The following VRTN variants were observed in gnomAD, a reference collection of about 807,000 sequenced individuals.
The protein encoded by VRTN is vertebrae development associated.
Under a neutral mutation model 18.2 loss-of-function variants are expected in VRTN, and 5 were observed. The observed-to-expected ratio is 0.27, with a 90% CI of 0.14 to 0.58. The LOEUF is 0.58. Ranked by LOEUF, VRTN falls within the 20% of genes least tolerant of loss-of-function variation. The pLI, the probability that VRTN is intolerant of heterozygous loss-of-function variation, is 0.91. For missense variants in VRTN, 741 were observed against 939.4 expected, an observed-to-expected ratio of 0.79 and a Z score of 2.76; for synonymous variants, 381 against 393.7, an observed-to-expected ratio of 0.97 and a Z score of 0.38.
Position 74,331,544 on chromosome 14 carries a change from TTATATATATATATATATATATA to T in VRTN, c.-163-6154_-163-6133del, listed in dbSNP as rs1169929236. On this transcript the variant is annotated intron_variant, in intron 1 of 2. Transcript: ENST00000557177. ...AACTCCATCTCAAAAAAAAAAAATT[TTATATATATATATATATATATA>T]TATATATATATATATATATATATAC... 9.0e-4 allele frequency among the ~76,000 whole-genome samples: 39 copies of T among 43,490 alleles called. 1 individual carries two copies. The highest frequency in any genetic ancestry group is 3.4e-3 in the South Asian group (3 of 870). The allele number at this position is 43,490 out of a possible 152,430, so 28.5% of individuals were successfully genotyped here. A position where few individuals can be genotyped will look rare whatever the true frequency, so the allele number is the denominator to read the frequency against.
intron 1 of VRTN, among the ~76,000 whole-genome samples, chr14:74,318,200 T>C (rs891582161): frequency 6.6e-6 from 1 of 151,928 alleles, no homozygotes; most frequent in Non-Finnish European, 1.5e-5. Flanking sequence ...ACCTCCCAGG[T>C]TCAAGGGATT....
intron 2 of VRTN, among the ~76,000 whole-genome samples, chr14:74,340,947 T>C (rs1200998801): frequency 6.6e-6 from 1 of 151,948 alleles, no homozygotes. Context: ...TTTCACCATG[T>C]TGGCCAGGAT....
rs765480679 is a variant in VRTN, at chr14:74,357,761, G to T, written c.978G>T (p.Arg326=). 3.7e-6 allele frequency: 6 copies of T among 1,613,138 alleles called. No individual in the cohort carries two copies. The Admixed American group carries it at 5.0e-5, about 13-fold the overall frequency. Residue 326 remains arginine (R), a synonymous_variant, in exon 2 of 2, where the codon CGG becomes CGT. Transcript: ENST00000256362. This position sits in a 1 kb window ranked among gnomAD's most constrained non-coding sequence, Gnocchi z 7.8. ...AKHFLQDSFH[R]GGVVPLQQFL... The stretch of plus-strand genomic sequence containing the variant: ...ACTTCCTGCAGGACAGCTTCCACCG[G>T]GGGGGCGTCGTGCCACTTCAGCAGT...
At chr14:74,303,207 T>C (rs2085155197) in intron 1 of VRTN, 4 of 364,946 alleles carry the variant, frequency 1.1e-5, no homozygotes, top group Non-Finnish European at 9.8e-6. Flanking sequence ...GTATAATAGA[T>C]GTTTTACATA....
intron 1 of VRTN, among the ~76,000 whole-genome samples, chr14:74,314,546 A>G (rs1050417416): frequency 6.6e-6 from 1 of 151,500 alleles, no homozygotes; most frequent in Admixed American, 6.6e-5. Flanking sequence ...ACAGGTGCAC[A>G]CCACCATACC....
upstream of VRTN, among the ~76,000 whole-genome samples, chr14:74,346,242 C>CG (rs1288140297): frequency 6.6e-6 from 1 of 151,936 alleles, no homozygotes; most frequent in Non-Finnish European, 1.5e-5. Context: ...TTTGAGGCTG[C>CG]AGTGAGCTAT....
intron 1 of VRTN, among the ~76,000 whole-genome samples, chr14:74,323,722 C>G (rs2085470238): frequency 3.9e-5 from 6 of 152,074 alleles, no homozygotes; most frequent in Admixed American, 3.9e-4. Flanking sequence ...GAATTCCATG[C>G]AATACTCCCT....
rs577005202 is a variant in VRTN at position 74,310,255 on chromosome 14, G to A, written c.-164+7079G>A. ...TCTACTAAAAATACAAAATTAGCCA[G>A]GCGTGGTGGCACATTCCTGTAGTCC... is the stretch of plus-strand genomic sequence containing the variant. On this transcript the variant is annotated intron_variant, in intron 1 of 2. Transcript: ENST00000557177. 6.7e-4 allele frequency among the ~76,000 whole-genome samples: 102 copies of A among 152,076 alleles called. 1 individual carries two copies. Among genetic ancestry groups the A allele is most frequent in the Middle Eastern group, 3.4e-3 (1 of 294 alleles).
Position 74,357,766 on chromosome 14 carries a change from G to T in VRTN, c.983G>T (p.Gly328Val), listed in dbSNP as rs756792465. Residue 328 changes from glycine (G) to valine (V), a missense_variant, in exon 2 of 2, where the codon GGC (glycine) becomes GTC (valine). Transcript: ENST00000256362. This position sits in a 1 kb window ranked among gnomAD's most constrained non-coding sequence, Gnocchi z 7.8. Reference protein sequence around the residue: ...HFLQDSFHRGGVVPLQQFLQR... With the variant: ...HFLQDSFHRGVVVPLQQFLQR... ...CTGCAGGACAGCTTCCACCGGGGGG[G>T]CGTCGTGCCACTTCAGCAGTTCCTC... 1 of 1,613,138 alleles carries T rather than the reference G, an allele frequency of 6.2e-7. No homozygotes were observed. Among genetic ancestry groups the T allele is most frequent in the Non-Finnish European group, 8.5e-7 (1 of 1,180,036 alleles).
chr14:74,328,168 A>G (rs972559598), intron 1 of VRTN, among the ~76,000 whole-genome samples: 3 of 152,120 alleles, frequency 2.0e-5, no homozygotes, highest in Non-Finnish European at 4.4e-5. Flanking sequence ...GTTATGAGCC[A>G]ATATATCAAA....
chr14:74,343,585 C>A (rs1595172275), upstream of VRTN, among the ~76,000 whole-genome samples: 1 of 152,096 alleles, frequency 6.6e-6, no homozygotes. Context: ...ATGGAAATGA[C>A]CTTAATGTTC....
At position 74,357,123 on chromosome 14, in the gene VRTN, C is replaced by A; in HGVS notation, c.340C>A (p.Leu114Met). Residue 114 changes from leucine to methionine, a missense_variant, in exon 2 of 2, where the codon CTG becomes ATG. Transcript: ENST00000256362. This position sits in a 1 kb window ranked among gnomAD's most constrained non-coding sequence, Gnocchi z 7.8. Reference protein sequence around the residue: ...LRARTVVEMLLHRHYYLQGMI... With the variant: ...LRARTVVEMLMHRHYYLQGMI... ...GGCCCGCACCGTGGTAGAGATGCTG[C>A]TGCACAGACACTACTACCTCCAGGG... is the stretch of plus-strand genomic sequence containing the variant. 1 of 1,599,950 alleles carries A rather than the reference C, an allele frequency of 6.3e-7. No homozygotes were observed. Among genetic ancestry groups the A allele is most frequent in the South Asian group, 1.1e-5 (1 of 90,780 alleles).
At chr14:74,339,574 G>T (rs2085587163) in intron 2 of VRTN, among the ~76,000 whole-genome samples, 1 of 152,152 alleles carries the variant, frequency 6.6e-6, no homozygotes, top group African/African-American at 2.4e-5. Context: ...CACTTCAGGG[G>T]CCAAGGCAGT....
chr14:74,306,797 G>C (rs2085355646), intron 1 of VRTN, among the ~76,000 whole-genome samples: 2 of 151,282 alleles, frequency 1.3e-5, no homozygotes, highest in Non-Finnish European at 1.5e-5. Flanking sequence ...ATAGAGATGA[G>C]GTCTCACTAT....
chr14:74,337,892 T>C (rs796582827), intron 2 of VRTN: 45 of 152,270 alleles, frequency 3.0e-4, no homozygotes, highest in African/African-American at 1.1e-3. Flanking sequence ...CAGGTAAGTG[T>C]CCTTCCCCTT....
intron 1 of VRTN, among the ~76,000 whole-genome samples, chr14:74,350,731 T>C (rs1302701358): frequency 6.6e-6 from 1 of 152,138 alleles, no homozygotes; most frequent in Non-Finnish European, 1.5e-5. Context: ...AGGTGTGAAC[T>C]CGGACTAGGG....
chr14:74,354,788 A>G (rs1251615967), intron 1 of VRTN, among the ~76,000 whole-genome samples: 1 of 152,102 alleles, frequency 6.6e-6, no homozygotes, highest in Non-Finnish European at 1.5e-5. Context: ...GAAAATGTTC[A>G]CTGAGTGATG....
intron 1 of VRTN, among the ~76,000 whole-genome samples, chr14:74,352,229 G>C (rs1354766329): frequency 1.3e-5 from 2 of 149,972 alleles, no homozygotes; most frequent in African/African-American, 4.9e-5. Flanking sequence ...ACCCAGGCTG[G>C]AGTGCGGTGG....
intron 1 of VRTN, among the ~76,000 whole-genome samples, chr14:74,321,597 C>T (rs538018309): frequency 1.2e-4 from 18 of 151,372 alleles, no homozygotes; most frequent in African/African-American, 3.6e-4. Flanking sequence ...CCTCCACCTC[C>T]TGGGTTCAAG....
Sources: gnomAD v4.1 joint callset for allele counts (sites outside exome capture counted in the v4.1 genomes callset) on GRCh38, gnomAD v4.1.1 for gene constraint, Gnocchi (gnomAD v3.1) non-coding constraint, MANE v1.5 for transcripts, NCBI Gene and HGNC (gene_info 2026-07-23, HGNC 2026-07-21) for gene names.